Variants in GABRA1 observed in about 807,000 individuals in gnomAD.
The protein encoded by GABRA1 is gamma-aminobutyric acid receptor subunit alpha-1.
GABRA1 carries 9 observed loss-of-function variants against 48.9 expected under a neutral mutation model. The ratio of observed to expected loss-of-function variants is 0.18; its 90% CI spans 0.11 to 0.32. The LOEUF (loss-of-function observed/expected upper bound fraction) is 0.32, where lower values mean the gene tolerates loss of function less well. Ranked by LOEUF, GABRA1 falls within the 10% of genes least tolerant of loss-of-function variation. The pLI, the probability that GABRA1 is intolerant of heterozygous loss-of-function variation, is 1.00. For missense variants in GABRA1, 285 were observed against 553.8 expected, an observed-to-expected ratio of 0.51 and a Z score of 4.87; for synonymous variants, 210 against 198.7, an observed-to-expected ratio of 1.06 and a Z score of -0.48.
Position 161,890,918 on chromosome 5 carries a change from A to T in GABRA1, c.724A>T (p.Thr242Ser). The change falls in exon 8 of 10, where the codon ACT becomes TCT. Residue 242 changes from threonine (T) to serine (S), a missense_variant. Physicochemically the swap from Thr to Ser is moderately conservative, Grantham distance 58 (BLOSUM62 1). Around this residue, in one of 6 missense-constraint regions of GABRA1, gnomAD observed 105 missense variants for 267.4 expected, o/e 0.39. Transcript: ENST00000393943. ...SSTGEYVVMT[T>S]HFHLKRKIGY... ...CTCAGGAGAATATGTTGTTATGACC[A>T]CTCATTTCCACTTGAAGAGAAAGAT... 1 of 1,613,346 alleles carries T rather than the reference A, an allele frequency of 6.2e-7. No homozygotes were observed. Among genetic ancestry groups the T allele is most frequent in the Non-Finnish European group, 8.5e-7 (1 of 1,179,456 alleles).
At chr5:161,893,039 T>A (rs528314085) in intron 8 of GABRA1, among the ~76,000 whole-genome samples, 8 of 142,328 alleles carry the variant, frequency 5.6e-5, no homozygotes, top group African/African-American at 1.8e-4. Context: ...ATAATAATAA[T>A]AATAATAATA....
chr5:161,856,172 A>T (rs1757637341), intron 3 of GABRA1, among the ~76,000 whole-genome samples: 1 of 151,316 alleles, frequency 6.6e-6, no homozygotes, highest in Non-Finnish European at 1.5e-5. Flanking sequence ...AGAGCCATAG[A>T]ACTTGAAGAT....
At chr5:161,895,028 G>A (rs981090475) in intron 8 of GABRA1, among the ~76,000 whole-genome samples, 1 of 150,532 alleles carries the variant, frequency 6.6e-6, no homozygotes, top group Non-Finnish European at 1.5e-5. Flanking sequence ...ATATATATGT[G>A]TATATATATA....
At chr5:161,852,371 AC>A (rs1757479516) in intron 2 of GABRA1, among the ~76,000 whole-genome samples, 1 of 151,968 alleles carries the variant, frequency 6.6e-6, no homozygotes, top group African/African-American at 2.4e-5. Context: ...TAGTCATGTT[AC>A]CCCATTTCAT....
At chr5:161,848,706 TCTC>T in intron 1 of GABRA1, 1 of 252,408 alleles carries the variant, frequency 4.0e-6, no homozygotes, top group South Asian at 3.6e-5. Context: ...CTTCTTTTCT[TCTC>T]CTCTTTCTTA....
chr5:161,868,465 T>C lies in GABRA1; in HGVS notation c.255+2677T>C, dbSNP rs544567994. On this transcript the variant is annotated intron_variant, in intron 4 of 9. Coordinates refer to ENST00000393943, the MANE Select transcript of GABRA1 (RefSeq NM_001127644.2). ...TATCAGATTAAATCCCCTTCCTTCC[T>C]TCTTTTTTCCCCAGTAGAAGAATTG... Among the ~76,000 whole-genome samples the C allele has an allele frequency of 2.0e-5, 3 of 152,288 alleles. No homozygotes were observed. The South Asian group carries it at 6.2e-4, about 32-fold the overall frequency.
chr5:161,883,966 G>A (rs1754728819), intron 7 of GABRA1, among the ~76,000 whole-genome samples: 1 of 152,018 alleles, frequency 6.6e-6, no homozygotes, highest in South Asian at 2.1e-4. Flanking sequence ...AGGCTTTGTA[G>A]TGAGGGAGAT....
At chr5:161,867,295 C>T (rs550207383) in intron 4 of GABRA1, among the ~76,000 whole-genome samples, 52 of 152,146 alleles carry the variant, frequency 3.4e-4, no homozygotes, top group Non-Finnish European at 6.6e-4. Context: ...TTATTAGGTC[C>T]CAGTCATGTT....
At chr5:161,881,124 A>G (rs901506045) in intron 6 of GABRA1, among the ~76,000 whole-genome samples, 1 of 152,212 alleles carries the variant, frequency 6.6e-6, no homozygotes, top group African/African-American at 2.4e-5. Flanking sequence ...TGAGGGCCTC[A>G]GGCCCTGTGC....
chr5:161,871,877 T>C (rs530058725), intron 4 of GABRA1, among the ~76,000 whole-genome samples: 1 of 152,272 alleles, frequency 6.6e-6, no homozygotes, highest in African/African-American at 2.4e-5. Context: ...ATAATAATTG[T>C]TAGTTACTTG....
chr5:161,850,981 A>C, intron 2 of GABRA1, 97 bp downstream of exon 2: 1 of 1,007,046 alleles, frequency 9.9e-7, no homozygotes, highest in South Asian at 1.3e-5. Context: ...ATTTATGACT[A>C]AGGGAATTCA....
Position 161,899,801 on chromosome 5 carries a change from C to G in GABRA1, c.*2379C>G, listed in dbSNP as rs1755535528. 1.3e-5 allele frequency: 2 copies of G among 152,266 alleles called. No homozygotes were observed. The highest frequency in any genetic ancestry group is 1.3e-4 in the Admixed American group (2 of 15,286). The allele number at this position is 152,266 out of a possible 1,614,324, so 9.4% of individuals were successfully genotyped here. A position where few individuals can be genotyped will look rare whatever the true frequency, so the allele number is the denominator to read the frequency against. ...AAGATGACACTGAATGTTTATTGCA[C>G]TTTAGTGCAGTGAAGTGGCAATAAA... On this transcript the variant is annotated 3_prime_UTR_variant, in exon 10 of 10. Coordinates refer to ENST00000393943, the MANE Select transcript of GABRA1 (RefSeq NM_001127644.2).
chr5:161,875,783 T>A, intron 6 of GABRA1, 141 bp downstream of exon 6: 5 of 706,948 alleles, frequency 7.1e-6, no homozygotes, highest in Non-Finnish European at 1.3e-5. Context: ...CCATAAGTAG[T>A]GCTCTGTGAC....
In GABRA1 at chr5:161,877,270, T is replaced by A. The variant is rs74868332; in HGVS notation, c.559+1628T>A. Among the ~76,000 whole-genome samples the A allele has an allele frequency of 4.2e-3, 634 of 152,284 alleles. 5 individuals are homozygous for A. Among genetic ancestry groups the A allele is most frequent in the Non-Finnish European group, 6.2e-3 (421 of 68,018 alleles). On this transcript the variant is annotated intron_variant, in intron 6 of 9. Transcript: ENST00000393943. ...TGGTATAAATACTAATAATTCCCCC[T>A]TTTATCTTAAAAAATCCTAATTTGG... is the stretch of plus-strand genomic sequence containing the variant.
At position 161,848,737 on chromosome 5, in the gene GABRA1, T is replaced by G. The variant is rs1757317999; in HGVS notation, c.-16+315T>G. ...CTTTCTTAGGCATATTTGAATGTAT[T>G]CCGCAGGGTGGGTGGTGGCATGTTG... On this transcript the variant is annotated intron_variant, in intron 1 of 9. Coordinates refer to ENST00000393943, the MANE Select transcript of GABRA1 (RefSeq NM_001127644.2). 9 of 281,832 alleles carry G rather than the reference T, an allele frequency of 3.2e-5. No homozygotes were observed. The Admixed American group carries it at 4.3e-4, about 14-fold the overall frequency. The allele number at this position is 281,832 out of a possible 1,614,324, so 17.5% of individuals were successfully genotyped here.
intron 8 of GABRA1, 53 bp from the exon 9 acceptor site, chr5:161,895,613 T>C (rs572330333): frequency 5.3e-6 from 8 of 1,495,630 alleles, no homozygotes; most frequent in Admixed American, 1.8e-5. Flanking sequence ...CCCATCATGA[T>C]GAAATTTCAC....
At chr5:161,894,966 CT>C (rs1342619242) in intron 8 of GABRA1, among the ~76,000 whole-genome samples, 94 of 152,152 alleles carry the variant, frequency 6.2e-4, no homozygotes, top group African/African-American at 2.1e-3. Flanking sequence ...GATGTTGGTA[CT>C]GCTACTTCTT....
chr5:161,859,899 C>A (rs1325538889), intron 3 of GABRA1, among the ~76,000 whole-genome samples: 2 of 151,716 alleles, frequency 1.3e-5, no homozygotes, highest in Non-Finnish European at 2.9e-5. Flanking sequence ...GTTTACTTTA[C>A]TAGAGAATAG....
intron 4 of GABRA1, among the ~76,000 whole-genome samples, chr5:161,866,941 T>C (rs1753889424): frequency 6.6e-6 from 1 of 152,148 alleles, no homozygotes; most frequent in Admixed American, 6.6e-5. Context: ...TGGTTTATAA[T>C]GCCAGCTACT....
Sources: allele counts gnomAD v4.1 joint callset (sites outside exome capture counted in the v4.1 genomes callset), GRCh38; gene constraint gnomAD v4.1.1; regional missense constraint gnomAD v4.1.1; transcripts MANE v1.5; gene names NCBI Gene and HGNC (gene_info 2026-07-23, HGNC 2026-07-21).